Variants in NDUFB6 observed in about 807,000 individuals in gnomAD.
The protein encoded by NDUFB6 is NADH dehydrogenase [ubiquinone] 1 beta subcomplex subunit 6.
Under a neutral mutation model 17.5 loss-of-function variants are expected in NDUFB6, and 23 were observed. That is an observed-to-expected ratio of 1.31 (90% CI 0.94 to 1.86). The LOEUF is 1.86. NDUFB6 is among the 40% of genes most tolerant of loss of function. The probability of loss-of-function intolerance (pLI) is 0.00; values close to 1 mark genes in which losing one functional copy is unlikely to be tolerated. For synonymous variants in NDUFB6, 60 were observed against 53.5 expected (o/e 1.12, Z -0.53); for missense variants, 167 against 153.8 (o/e 1.09, Z -0.46).
At chr9:32,568,576 T>C (rs1371619413) in intron 2 of NDUFB6, 1 of 177,654 alleles carries the variant, frequency 5.6e-6, no homozygotes, top group African/African-American at 2.4e-5. Flanking sequence ...CAGCATCTCA[T>C]GCTACAGAGA....
At chr9:32,567,567 T>C (rs1262830834) in intron 2 of NDUFB6, 2 of 393,892 alleles carry the variant, frequency 5.1e-6, no homozygotes, top group Non-Finnish European at 1.0e-5. Context: ...TCAGCTGATT[T>C]GCCCACCTCA....
chr9:32,569,219 TTTTTTC>T (rs997140244), intron 2 of NDUFB6, among the ~76,000 whole-genome samples: 3 of 152,034 alleles, frequency 2.0e-5, no homozygotes, highest in African/African-American at 7.2e-5. Context: ...AAGTTTTTGT[TTTTTTC>T]TTTTTCTTTT....
chr9:32,568,716 ATG>A (rs1281629911), intron 2 of NDUFB6: 26 of 140,574 alleles, frequency 1.8e-4, no homozygotes, highest in South Asian at 2.6e-4. Context: ...GTGTATGTAT[ATG>A]TGTGTGTGTG....
At position 32,553,013 on chromosome 9, in the gene NDUFB6, G is replaced by T; in HGVS notation, c.*863C>A. The T allele has an allele frequency of 1.7e-6, 1 of 590,146 alleles. No homozygotes were observed. Among genetic ancestry groups the T allele is most frequent in the Admixed American group, 3.1e-5 (1 of 32,236 alleles). 36.6% of individuals were successfully genotyped at this position (590,146 alleles called of 1,614,324 possible). ...AAAATTCATAATGCAAAGTTCCCAA[G>T]TTTATTTTTGCATTATCCTTTATAA... is the stretch of plus-strand genomic sequence containing the variant. On this transcript the variant is annotated 3_prime_UTR_variant, in exon 4 of 4. Transcript: ENST00000379847.
chr9:32,572,104 G>C (rs1215711902), intron 1 of NDUFB6, among the ~76,000 whole-genome samples: 1 of 152,198 alleles, frequency 6.6e-6, no homozygotes, highest in Non-Finnish European at 1.5e-5. Flanking sequence ...AGTAACACAT[G>C]TAAAACCCCC....
chr9:32,563,939 A>G (rs1015818593), intron 2 of NDUFB6, among the ~76,000 whole-genome samples: 3 of 152,202 alleles, frequency 2.0e-5, no homozygotes, highest in Non-Finnish European at 4.4e-5. Context: ...TTCTGGCACA[A>G]TAATATGTTC....
chr9:32,557,420 C>T (rs913715858), intron 3 of NDUFB6, among the ~76,000 whole-genome samples: 10 of 151,250 alleles, frequency 6.6e-5, no homozygotes, highest in Admixed American at 5.9e-4. Context: ...CCACCCACCT[C>T]GGCTTCCCAT....
intron 1 of NDUFB6, among the ~76,000 whole-genome samples, 154 bp downstream of exon 1, chr9:32,572,727 C>G (rs1029838134): frequency 2.6e-5 from 4 of 152,110 alleles, no homozygotes; most frequent in African/African-American, 7.2e-5. Flanking sequence ...CTCCTGCCTC[C>G]CGAGACTCCA....
At chr9:32,564,836 C>T (rs1821732435) in intron 2 of NDUFB6, among the ~76,000 whole-genome samples, 1 of 152,218 alleles carries the variant, frequency 6.6e-6, no homozygotes, top group Non-Finnish European at 1.5e-5. Flanking sequence ...AAGCTTGAAA[C>T]TACAACATCC....
At chr9:32,562,182 T>C (rs898255744) in intron 2 of NDUFB6, among the ~76,000 whole-genome samples, 1 of 152,222 alleles carries the variant, frequency 6.6e-6, no homozygotes, top group African/African-American at 2.4e-5. Context: ...ATTAACTTTT[T>C]TCCTCCGTAC....
chr9:32,572,020 G>A (rs1821950036), intron 1 of NDUFB6, among the ~76,000 whole-genome samples: 1 of 152,184 alleles, frequency 6.6e-6, no homozygotes, highest in Non-Finnish European at 1.5e-5. Flanking sequence ...AATCACTGAA[G>A]CTTTGTAGGC....
At chr9:32,566,190 C>T in intron 2 of NDUFB6, 1 of 751,868 alleles carries the variant, frequency 1.3e-6, no homozygotes, top group East Asian at 2.5e-5. Flanking sequence ...TCAACCTTGT[C>T]TGGGGTTTGT....
At chr9:32,566,856 G>A (rs1355513068) in intron 2 of NDUFB6, 22 of 755,516 alleles carry the variant, frequency 2.9e-5, no homozygotes, top group Admixed American at 1.2e-4. Flanking sequence ...GCTGCCGGGC[G>A]GCCTGGATGA....
intron 2 of NDUFB6, among the ~76,000 whole-genome samples, chr9:32,564,795 C>T (rs1205608571): frequency 6.6e-6 from 1 of 152,178 alleles, no homozygotes; most frequent in Non-Finnish European, 1.5e-5. Flanking sequence ...GAACAGCTTC[C>T]AGTTTCTACA....
chr9:32,565,511 C>T (rs1314920752), intron 2 of NDUFB6: 5 of 152,152 alleles, frequency 3.3e-5, no homozygotes, highest in African/African-American at 9.7e-5. Context: ...GCCATGACAC[C>T]GTTTTAGTAT....
At chr9:32,559,466 C>T (rs1007318663) in intron 2 of NDUFB6, among the ~76,000 whole-genome samples, 1 of 152,176 alleles carries the variant, frequency 6.6e-6, no homozygotes, top group Non-Finnish European at 1.5e-5. Flanking sequence ...TCACTCTGCT[C>T]AAAGTTTCAT....
chr9:32,568,846 G>A (rs565480664), intron 2 of NDUFB6, among the ~76,000 whole-genome samples: 4 of 149,590 alleles, frequency 2.7e-5, no homozygotes, highest in African/African-American at 7.4e-5. Flanking sequence ...CGCCTCCCGG[G>A]TTCAAGCGAT....
At position 32,570,976 on chromosome 9, in the gene NDUFB6, A is replaced by C; in HGVS notation, c.257T>G (p.Met86Arg). 6.3e-7 allele frequency: 1 copy of C among 1,585,920 alleles called. No homozygotes were observed. Among genetic ancestry groups the C allele is most frequent in the Non-Finnish European group, 8.6e-7 (1 of 1,160,878 alleles). Residue 86 changes from methionine to arginine, a missense_variant, in exon 2 of 4, where the codon ATG becomes AGG. Coordinates refer to ENST00000379847, the MANE Select transcript of NDUFB6 (RefSeq NM_002493.5). ...CATACTTACAGAAACATGATACTTC[A>C]TGTAATAATGAATAATCCAGACAGG... ...LVPVWIIHYY[M>R]KYHVSEKPYG...
chr9:32,570,872 G>A, intron 2 of NDUFB6, 88 bp downstream of exon 2: 14 of 797,952 alleles, frequency 1.8e-5, no homozygotes, highest in Non-Finnish European at 2.1e-5. Context: ...ATAAGTGGCA[G>A]ATTATTTCCA....
Sources: gnomAD v4.1 joint callset for allele counts (sites outside exome capture counted in the v4.1 genomes callset) on GRCh38, gnomAD v4.1.1 for gene constraint, MANE v1.5 for transcripts, NCBI Gene and HGNC (gene_info 2026-07-23, HGNC 2026-07-21) for gene names.